DMPK: variants seen among roughly 807,000 people sequenced by gnomAD.
DMPK encodes myotonin-protein kinase.
A neutral mutation model predicts 70.3 loss-of-function variants in DMPK; 32 were observed. The observed-to-expected ratio is 0.46, with a 90% CI of 0.34 to 0.61. The LOEUF (loss-of-function observed/expected upper bound fraction) is 0.61, where lower values mean the gene tolerates loss of function less well. DMPK is among the 20% of genes least tolerant of loss of function. DMPK has a pLI of 0.01. For missense variants in DMPK, 899 were observed against 886.0 expected, an observed-to-expected ratio of 1.01 and a Z score of -0.19; for synonymous variants, 469 against 390.9, an observed-to-expected ratio of 1.20 and a Z score of -2.36.
At position 45,770,032 on chromosome 19, in the gene DMPK, G is replaced by A. The variant is rs1246296374; in HGVS notation, c.*456C>T. 7.2e-6 allele frequency: 3 copies of A among 417,994 alleles called. No individual in the cohort carries two copies. The highest frequency in any genetic ancestry group is 3.4e-5 in the Admixed American group (1 of 29,126). The allele number at this position is 417,994 out of a possible 1,614,324, so 25.9% of individuals were successfully genotyped here. On this transcript the variant is annotated 3_prime_UTR_variant, in exon 15 of 15. Transcript: ENST00000291270. ...CAGAGATCGCGCCAGACGCTCCCCA[G>A]AGCAGGGCGTCATGCACAAGAAAGC...
Position 45,778,655 on chromosome 19 carries a change from C to A in DMPK, c.433-14G>T. 1 of 1,611,768 alleles carries A rather than the reference C, an allele frequency of 6.2e-7. No individual in the cohort carries two copies. On this transcript the variant is annotated splice_polypyrimidine_tract_variant and intron_variant, in intron 4 of 14. Transcript: ENST00000291270. The stretch of plus-strand genomic sequence containing the variant: ...CATGACCAGGTACTGAGAAGGGGTT[C>A]GTCATGGGTGGTTGGTAGTCCCCTG...
At position 45,770,599 on chromosome 19, in the gene DMPK, C is replaced by A. The variant is rs755116581; in HGVS notation, c.1779G>T (p.Leu593=). The A allele has an allele frequency of 2.6e-6, 4 of 1,552,894 alleles. No homozygotes were observed. The highest frequency in any genetic ancestry group is 2.7e-5 in the African/African-American group (2 of 73,118). Residue 593 remains leucine, a synonymous_variant, in exon 15 of 15, where the codon CTG becomes CTT. Transcript: ENST00000291270. Reference sequence around the variant, plus strand: ...CGGCACGAGACAGAACAACGGCGAACAGGAGCAGGGAAAGCGCCTCCGATA... The same window carrying A: ...CGGCACGAGACAGAACAACGGCGAAAAGGAGCAGGGAAAGCGCCTCCGATA... The part of the protein sequence containing the change: ...PGLSEALSLL[L]FAVVLSRAAA...
At chr19:45,780,059 T>G (rs755793415) in intron 1 of DMPK, 190 bp from the exon 2 acceptor site, 1 of 1,529,086 alleles carries the variant, frequency 6.5e-7, no homozygotes, top group Non-Finnish European at 8.8e-7. Context: ...TGCCCTCCCA[T>G]AGAGGTGAGA....
intron 9 of DMPK, among the ~76,000 whole-genome samples, chr19:45,773,238 GA>G (rs1969576618): frequency 6.6e-6 from 1 of 152,224 alleles, no homozygotes; most frequent in Non-Finnish European, 1.5e-5. Context: ...CCTGGGGTAT[GA>G]AGTGGCTGTC....
In DMPK at chr19:45,782,173, C is replaced by T; in HGVS notation, c.160+20G>A. Reference sequence around the variant, plus strand: ...CCCACCCCCACCCCATCTGCAGGAGCCCCGAGGGTAGGCACTCACCCCACT... The same window carrying T: ...CCCACCCCCACCCCATCTGCAGGAGTCCCGAGGGTAGGCACTCACCCCACT... On this transcript the variant is annotated intron_variant, in intron 1 of 14. Transcript: ENST00000291270. The T allele has an allele frequency of 7.4e-7, 1 of 1,344,598 alleles. No homozygotes were observed. Among genetic ancestry groups the T allele is most frequent in the Non-Finnish European group, 9.7e-7 (1 of 1,026,028 alleles). 83.3% of individuals were successfully genotyped at this position (1,344,598 alleles called of 1,614,324 possible). A position where few individuals can be genotyped will look rare whatever the true frequency, so the allele number is the denominator to read the frequency against.
Position 45,771,754 on chromosome 19 carries a change from C to A in DMPK, c.1502+17G>T. ...ACCGGCCCGCATCCCGGCCCCGGCC[C>A]CGGCCCCGATCCCGACCTGGCGAAG... On this transcript the variant is annotated intron_variant, in intron 11 of 14. Transcript: ENST00000291270. 6.3e-7 allele frequency: 1 copy of A among 1,588,640 alleles called. No homozygotes were observed. The highest frequency in any genetic ancestry group is 8.6e-7 in the Non-Finnish European group (1 of 1,167,086).
chr19:45,770,638 G>A lies in DMPK; in HGVS notation c.1740C>T (p.Val580=), dbSNP rs933859772. 3.2e-6 allele frequency: 5 copies of A among 1,551,162 alleles called. No homozygotes were observed. In the Admixed American group the frequency reaches 7.8e-5, roughly 24 times the overall value. ...HRRHLLLPAR[V]PRPGLSEALS... ...GCGCCTCCGATAGGCCAGGCCTAGG[G>A]ACCTGCGGGGAGAGGGCGAGGTCAA... The change falls in exon 15 of 15, where the codon GTC becomes GTT. Residue 580 remains valine (V), a splice_region_variant and synonymous_variant. Coordinates refer to ENST00000291270, the MANE Select transcript of DMPK (RefSeq NM_004409.5).
At chr19:45,781,775 C>A (rs1366204347) in intron 1 of DMPK, among the ~76,000 whole-genome samples, 1 of 152,204 alleles carries the variant, frequency 6.6e-6, no homozygotes, top group Non-Finnish European at 1.5e-5. Context: ...CCCATGCTGG[C>A]CCTCCTGGCT....
chr19:45,771,069 A>G lies in DMPK; in HGVS notation c.1648-9T>C, dbSNP rs1208423168. The G allele has an allele frequency of 9.2e-6, 14 of 1,526,454 alleles. No homozygotes were observed. Among genetic ancestry groups the G allele is most frequent in the Middle Eastern group, 1.7e-4 (1 of 5,912 alleles). 94.6% of individuals were successfully genotyped at this position (1,526,454 alleles called of 1,614,324 possible). On this transcript the variant is annotated splice_polypyrimidine_tract_variant and intron_variant, in intron 13 of 14. Coordinates refer to ENST00000291270, the MANE Select transcript of DMPK (RefSeq NM_004409.5). The stretch of plus-strand genomic sequence containing the variant: ...GCCGGGGGGCCATCTAGCTGGAGAG[A>G]GAAGGGACAGGTGACCCGATCGGAG...
At chr19:45,770,949 G>T (rs896172855) in intron 14 of DMPK, 22 bp downstream of exon 14, 2 of 1,408,670 alleles carry the variant, frequency 1.4e-6, no homozygotes, top group Non-Finnish European at 1.8e-6. Flanking sequence ...CGGCGGAGGG[G>T]GGCGTGGGCA....
Position 45,777,926 on chromosome 19 carries a change from G to A in DMPK, c.676-53C>T. The A allele has an allele frequency of 6.6e-7, 1 of 1,511,584 alleles. No homozygotes were observed. Among genetic ancestry groups the A allele is most frequent in the Non-Finnish European group, 9.0e-7 (1 of 1,113,286 alleles). 93.6% of individuals were successfully genotyped at this position (1,511,584 alleles called of 1,614,324 possible). A position where few individuals can be genotyped will look rare whatever the true frequency, so the allele number is the denominator to read the frequency against. ...TGGGCCCACCCCTCTGGGCCCACCA[G>A]CTCTGGGCCCTCCTTCCAACCACTC... On this transcript the variant is annotated intron_variant, in intron 6 of 14. Coordinates refer to ENST00000291270, the MANE Select transcript of DMPK (RefSeq NM_004409.5). This position sits in a 1 kb window ranked among gnomAD's most constrained non-coding sequence, Gnocchi z 6.7.
rs1226777135 is a variant in DMPK at position 45,775,020 on chromosome 19, G to A, written c.1161C>T (p.Asp387=). 6.2e-7 allele frequency: 1 copy of A among 1,613,790 alleles called. No homozygotes were observed. The highest frequency in any genetic ancestry group is 2.2e-5 in the East Asian group (1 of 44,878). Residue 387 remains aspartate (D), a synonymous_variant, in exon 9 of 15, where the codon GAC becomes GAT. Transcript: ENST00000291270. The part of the protein sequence containing the change: ...MVSGGGETLS[D]IREGAPLGVH... ...CCCCTAGCGGCGCACCTTCCCGAAT[G>A]TCCGACAGTGTCTCCTGCGCAAGAC...
intron 9 of DMPK, among the ~76,000 whole-genome samples, chr19:45,773,629 T>C (rs1462507361): frequency 6.6e-6 from 1 of 152,232 alleles, no homozygotes; most frequent in Non-Finnish European, 1.5e-5. Flanking sequence ...AATTTACTTG[T>C]GATAAGCAAT....
chr19:45,778,439 C>T, intron 5 of DMPK, 54 bp downstream of exon 5: 1 of 1,594,646 alleles, frequency 6.3e-7, no homozygotes, highest in Non-Finnish European at 8.6e-7. Flanking sequence ...TCTGACCTTC[C>T]AAGAACCCGG....
chr19:45,779,620 G>A (rs954716853), intron 2 of DMPK, 98 bp from the exon 3 acceptor site: 8 of 1,551,150 alleles, frequency 5.2e-6, no homozygotes, highest in Non-Finnish European at 6.1e-6. Flanking sequence ...CCGTGGCCCC[G>A]CCCCACCTGC....
rs780833135 is a variant in DMPK, at chr19:45,779,346, C to T, written c.350G>A (p.Arg117His). Residue 117 changes from arginine (R) to histidine (H), a missense_variant, in exon 4 of 15, where the codon CGT becomes CAT. Coordinates refer to ENST00000291270, the MANE Select transcript of DMPK (RefSeq NM_004409.5). The stretch of plus-strand genomic sequence containing the variant: ...ATTCACCAACACGTCCCTCTCCTCA[C>T]GGAAGCACGACACCTGCAGGGCACC... ...MLKRGEVSCF[R>H]EERDVLVNGD... 1.3e-5 allele frequency: 21 copies of T among 1,614,014 alleles called. No homozygotes were observed. Among genetic ancestry groups the T allele is most frequent in the Non-Finnish European group, 1.8e-5 (21 of 1,180,038 alleles).
chr19:45,775,218 A>G (rs1969714981), intron 8 of DMPK, 184 bp from the exon 9 acceptor site: 1 of 555,786 alleles, frequency 1.8e-6, no homozygotes, highest in South Asian at 2.0e-5. Flanking sequence ...CCCAGGCTGG[A>G]GTGCAGTGGT....
chr19:45,777,880 CA>C lies in DMPK; in HGVS notation c.676-8del. 1 of 1,604,198 alleles carries C rather than the reference CA, an allele frequency of 6.2e-7. No individual in the cohort carries two copies. ...CAGCCACCAGCGACCGCACCTGGACCAAAAGGAGCAGAGCGAGGCTTGGGCC... is the reference window on the plus strand; with the variant it reads ...CAGCCACCAGCGACCGCACCTGGACCAAAGGAGCAGAGCGAGGCTTGGGCC... On this transcript the variant is annotated splice_polypyrimidine_tract_variant and splice_region_variant and intron_variant, in intron 6 of 14. Coordinates refer to ENST00000291270, the MANE Select transcript of DMPK (RefSeq NM_004409.5). The surrounding 1 kb of genome is among the most constrained non-coding windows in gnomAD (Gnocchi z 6.7).
In DMPK at chr19:45,777,297, C is replaced by T. The variant is rs373470824; in HGVS notation, c.1146+30G>A. On this transcript the variant is annotated intron_variant, in intron 8 of 14. Transcript: ENST00000291270. This position sits in a 1 kb window ranked among gnomAD's most constrained non-coding sequence, Gnocchi z 6.7. Reference sequence around the variant, plus strand: ...TATGGAGGGAGCATGGGGAGGTTCCCGCAGCCGAGCAGGGGCCACAGGTAC... The same window carrying T: ...TATGGAGGGAGCATGGGGAGGTTCCTGCAGCCGAGCAGGGGCCACAGGTAC... 15 of 1,531,730 alleles carry T rather than the reference C, an allele frequency of 9.8e-6. No individual in the cohort carries two copies. The highest frequency in any genetic ancestry group is 6.9e-5 in the African/African-American group (5 of 72,342). The allele number at this position is 1,531,730 out of a possible 1,614,324, so 94.9% of individuals were successfully genotyped here.
Sources: gnomAD v4.1 joint callset for allele counts (sites outside exome capture counted in the v4.1 genomes callset) on GRCh38, gnomAD v4.1.1 for gene constraint, Gnocchi (gnomAD v3.1) non-coding constraint, MANE v1.5 for transcripts, NCBI Gene and HGNC (gene_info 2026-07-23, HGNC 2026-07-21) for gene names.